Variants in AP3S1 observed in about 807,000 individuals in gnomAD.
AP3S1 encodes the protein AP-3 complex subunit sigma-1.
A neutral mutation model predicts 21.3 loss-of-function variants in AP3S1; 12 were observed. The observed-to-expected ratio is 0.56, with a 90% CI of 0.36 to 0.91. The LOEUF (loss-of-function observed/expected upper bound fraction) is 0.91, where lower values mean the gene tolerates loss of function less well. AP3S1 is among the 40% of genes least tolerant of loss of function. The pLI is 0.01. For missense variants in AP3S1, 116 were observed against 225.0 expected (o/e 0.52, Z 3.10); for synonymous variants, 48 against 78.4 (o/e 0.61, Z 2.05).
intron 3 of AP3S1, among the ~76,000 whole-genome samples, chr5:115,880,459 C>T (rs1447651822): frequency 3.5e-4 from 53 of 152,012 alleles, no homozygotes; most frequent in Non-Finnish European, 1.5e-5. Context: ...CATTATTTAC[C>T]CAGTAGTCAC....
chr5:115,887,427 A>T (rs1224500712), intron 3 of AP3S1, among the ~76,000 whole-genome samples: 1 of 151,866 alleles, frequency 6.6e-6, no homozygotes, highest in Admixed American at 6.6e-5. Context: ...CTGAATTTTA[A>T]CAGAAATTTC....
At chr5:115,891,986 C>T (rs915714020) in intron 3 of AP3S1, among the ~76,000 whole-genome samples, 4 of 151,972 alleles carry the variant, frequency 2.6e-5, no homozygotes, top group Non-Finnish European at 5.9e-5. Flanking sequence ...AATAATTTAA[C>T]CAAAAAATGG....
chr5:115,859,525 G>A (rs1763022482), intron 1 of AP3S1, among the ~76,000 whole-genome samples: 1 of 152,198 alleles, frequency 6.6e-6, no homozygotes, highest in Admixed American at 6.5e-5. Flanking sequence ...TCAGGCTACT[G>A]ACATGATGTC....
intron 3 of AP3S1, among the ~76,000 whole-genome samples, chr5:115,880,727 A>C (rs754956550): frequency 6.6e-6 from 1 of 152,190 alleles, no homozygotes; most frequent in Non-Finnish European, 1.5e-5. Context: ...CACTTGGTCC[A>C]CAGCTGAGTT....
intron 3 of AP3S1, among the ~76,000 whole-genome samples, chr5:115,892,504 A>G (rs1750395900): frequency 6.6e-6 from 1 of 152,202 alleles, no homozygotes; most frequent in Admixed American, 6.5e-5. Context: ...TTGCAGCAAC[A>G]TGGATGGATA....
At chr5:115,902,748 A>T in intron 4 of AP3S1, 137 bp from the exon 5 acceptor site, 1 of 555,548 alleles carries the variant, frequency 1.8e-6, no homozygotes, top group East Asian at 3.2e-5. Context: ...AAAGTGGATT[A>T]TGAGCCCTTA....
intron 1 of AP3S1, chr5:115,842,469 C>A: frequency 5.3e-6 from 1 of 187,044 alleles, no homozygotes; most frequent in Non-Finnish European, 1.1e-5. Flanking sequence ...AGAGCCCACC[C>A]CGCGCGGCTG....
chr5:115,864,942 C>T (rs533211476), intron 1 of AP3S1, among the ~76,000 whole-genome samples: 1 of 152,258 alleles, frequency 6.6e-6, no homozygotes, highest in Admixed American at 6.5e-5. Context: ...ATGACATGGA[C>T]CCTTCTGTAA....
intron 5 of AP3S1, among the ~76,000 whole-genome samples, chr5:115,910,726 A>G (rs1193815998): frequency 6.6e-6 from 1 of 152,142 alleles, no homozygotes; most frequent in African/African-American, 2.4e-5. Flanking sequence ...TTTTATATAT[A>G]AACATTGCTA....
chr5:115,880,739 A>T (rs1401600422), intron 3 of AP3S1, among the ~76,000 whole-genome samples: 1 of 152,084 alleles, frequency 6.6e-6, no homozygotes, highest in Non-Finnish European at 1.5e-5. Context: ...AGCTGAGTTG[A>T]AGTTCCGAAT....
At chr5:115,897,519 T>G (rs1750853493) in intron 4 of AP3S1, among the ~76,000 whole-genome samples, 1 of 152,152 alleles carries the variant, frequency 6.6e-6, no homozygotes, top group African/African-American at 2.4e-5. Context: ...TAAGCAGCTC[T>G]GGACCTTCCA....
At chr5:115,871,761 C>T (rs1300263061) in intron 3 of AP3S1, among the ~76,000 whole-genome samples, 2 of 152,050 alleles carry the variant, frequency 1.3e-5, no homozygotes, top group Non-Finnish European at 2.9e-5. Context: ...CTTTATGCTA[C>T]GCAAGAATCA....
intron 3 of AP3S1, among the ~76,000 whole-genome samples, chr5:115,889,191 A>G (rs544666979): frequency 3.6e-4 from 55 of 152,256 alleles, no homozygotes; most frequent in African/African-American, 1.3e-3. Context: ...TTATAAATAC[A>G]TGTAAGTGAA....
At chr5:115,885,454 G>A (rs1199466059) in intron 3 of AP3S1, among the ~76,000 whole-genome samples, 1 of 152,212 alleles carries the variant, frequency 6.6e-6, no homozygotes, top group African/African-American at 2.4e-5. Context: ...CCTGGAGTCT[G>A]ATGTTTCAGG....
chr5:115,889,918 A>T (rs983225822), intron 3 of AP3S1, among the ~76,000 whole-genome samples: 2 of 152,186 alleles, frequency 1.3e-5, no homozygotes. Context: ...ACGCAGTCTT[A>T]TATCAGAGAA....
chr5:115,883,631 C>T (rs1469647517), intron 3 of AP3S1, among the ~76,000 whole-genome samples: 1 of 152,158 alleles, frequency 6.6e-6, no homozygotes, highest in Non-Finnish European at 1.5e-5. Context: ...GAGCTGCAGA[C>T]TGGATCTGTT....
Position 115,861,055 on chromosome 5 carries a change from G to A in AP3S1, c.70-5615G>A, listed in dbSNP as rs542454053. Among the ~76,000 whole-genome samples, 7 of 152,200 alleles carry A rather than the reference G, an allele frequency of 4.6e-5. No homozygotes were observed. The South Asian group carries it at 8.3e-4, about 18-fold the overall frequency. ...ATTTCAAATACAAAGCTCAGGTTCC[G>A]GTGTTAGAATTCAGACTACTACAAA... On this transcript the variant is annotated intron_variant, in intron 1 of 5. Transcript: ENST00000316788.
intron 1 of AP3S1, among the ~76,000 whole-genome samples, chr5:115,851,270 A>G (rs1762419763): frequency 6.6e-6 from 1 of 152,190 alleles, no homozygotes; most frequent in Non-Finnish European, 1.5e-5. Flanking sequence ...GGCTATTATG[A>G]ATAATGCTGT....
At chr5:115,896,011 G>A (rs528189431) in intron 4 of AP3S1, among the ~76,000 whole-genome samples, 1 of 152,182 alleles carries the variant, frequency 6.6e-6, no homozygotes, top group African/African-American at 2.4e-5. Context: ...ATTTTTTTCT[G>A]TATTAGGTTT....
Sources: allele counts gnomAD v4.1 joint callset (sites outside exome capture counted in the v4.1 genomes callset), GRCh38; gene constraint gnomAD v4.1.1; transcripts MANE v1.5; gene names NCBI Gene and HGNC (gene_info 2026-07-23, HGNC 2026-07-21).